The following ANKRD11 variants were observed in gnomAD, a reference collection of about 807,000 sequenced individuals.
ANKRD11 encodes the protein ankyrin repeat domain-containing protein 11.
In ANKRD11, 17 loss-of-function variants were observed where a neutral mutation model predicts 195.7. The observed-to-expected ratio is 0.09, with a 90% confidence interval of 0.06 to 0.13. The LOEUF (loss-of-function observed/expected upper bound fraction) is 0.13. Ranked by LOEUF, ANKRD11 falls within the 10% of genes least tolerant of loss-of-function variation. ANKRD11 has a pLI of 1.00. For missense variants in ANKRD11, 3,735 were observed against 3,566.1 expected (o/e 1.05, Z -1.21); for synonymous variants, 1,953 against 1,528.1 (o/e 1.28, Z -6.49).
At chr16:89,406,996 A>G (rs1260216928) in intron 2 of ANKRD11, among the ~76,000 whole-genome samples, 1 of 151,998 alleles carries the variant, frequency 6.6e-6, no homozygotes, top group African/African-American at 2.4e-5. Context: ...ACCAGCCTGG[A>G]CAATATGGTG....
At chr16:89,408,910 A>C (rs2042011840) in intron 2 of ANKRD11, among the ~76,000 whole-genome samples, 1 of 152,264 alleles carries the variant, frequency 6.6e-6, no homozygotes, top group South Asian at 2.1e-4. Flanking sequence ...CACAGACCTT[A>C]GGAGTTACTG....
At chr16:89,460,355 C>CA in intron 1 of ANKRD11, among the ~76,000 whole-genome samples, 1 of 151,736 alleles carries the variant, frequency 6.6e-6, no homozygotes, top group East Asian at 1.9e-4. Flanking sequence ...GTCAGGAGTT[C>CA]AAGACCAGCC....
At chr16:89,324,345 C>A in intron 2 of ANKRD11, 2 of 1,129,168 alleles carry the variant, frequency 1.8e-6, no homozygotes, top group Non-Finnish European at 2.4e-6. Context: ...GGGTGCCTCA[C>A]AGAAGAGGGA....
intron 2 of ANKRD11, among the ~76,000 whole-genome samples, chr16:89,403,442 A>T (rs1338177915): frequency 2.0e-5 from 3 of 152,098 alleles, no homozygotes; most frequent in Non-Finnish European, 2.9e-5. Flanking sequence ...AGTCCCGAGG[A>T]AGTTTCTCAG....
chr16:89,474,478 T>A lies in ANKRD11; in HGVS notation c.-145+15767A>T, dbSNP rs565960400. Among the ~76,000 whole-genome samples the A allele has an allele frequency of 8.5e-4, 127 of 150,040 alleles. No homozygotes were observed. In the Middle Eastern group the frequency reaches 0.014, roughly 16 times the overall value. On this transcript the variant is annotated intron_variant, in intron 1 of 12. Coordinates refer to ENST00000301030, the MANE Select transcript of ANKRD11 (RefSeq NM_013275.6). ...CCTTATGTAAAAAAAAAAAAAAAAATTTAAGACCAGAAATATACCCCCACA... is the reference window on the plus strand; with the variant it reads ...CCTTATGTAAAAAAAAAAAAAAAAAATTAAGACCAGAAATATACCCCCACA...
At chr16:89,380,410 C>T (rs1322729466) in intron 2 of ANKRD11, among the ~76,000 whole-genome samples, 1 of 152,260 alleles carries the variant, frequency 6.6e-6, no homozygotes, top group East Asian at 1.9e-4. Flanking sequence ...CTGTGCCCAG[C>T]CCAATGATGC....
rs774200801 is a variant in ANKRD11 at position 89,284,065 on chromosome 16, T to A, written c.2477A>T (p.Asn826Ile). 1 of 1,614,160 alleles carries A rather than the reference T, an allele frequency of 6.2e-7. No homozygotes were observed. The highest frequency in any genetic ancestry group is 1.1e-5 in the South Asian group (1 of 91,080). ...AGAAAGGCTAAATTTGGTGTCTTCA[T>A]TCTCCAGAAACTGATTTTTGTTACA... ...EYCNKNQFLE[N>I]EDTKFSLSDD... Residue 826 changes from asparagine (N) to isoleucine (I), a missense_variant, in exon 9 of 13, where the codon AAT becomes ATT. By Grantham distance (149) the Asn-to-Ile change is moderately radical (BLOSUM62 -3). Coordinates refer to ENST00000301030, the MANE Select transcript of ANKRD11 (RefSeq NM_013275.6).
chr16:89,455,220 G>T (rs1362450670), intron 1 of ANKRD11, among the ~76,000 whole-genome samples: 6 of 142,780 alleles, frequency 4.2e-5, no homozygotes, highest in Non-Finnish European at 7.6e-5. Context: ...TGCTTCTAGG[G>T]TTCCTCAAGC....
At chr16:89,423,049 C>G (rs1399634498) in intron 1 of ANKRD11, among the ~76,000 whole-genome samples, 1 of 152,194 alleles carries the variant, frequency 6.6e-6, no homozygotes, top group Non-Finnish European at 1.5e-5. Flanking sequence ...CTGTGGCTGC[C>G]CCACACCGCT....
chr16:89,436,665 C>T (rs912236670), intron 1 of ANKRD11, among the ~76,000 whole-genome samples: 3 of 152,218 alleles, frequency 2.0e-5, no homozygotes, highest in Non-Finnish European at 4.4e-5. Context: ...CTCTAAGCTG[C>T]TCCTTCAGAT....
chr16:89,338,840 T>G (rs1273775223), intron 2 of ANKRD11, among the ~76,000 whole-genome samples: 1 of 151,884 alleles, frequency 6.6e-6, no homozygotes, highest in East Asian at 1.9e-4. Flanking sequence ...AACAATCATT[T>G]CCCTTTCTTA....
At chr16:89,465,613 T>G (rs1164713943) in intron 1 of ANKRD11, among the ~76,000 whole-genome samples, 1 of 152,240 alleles carries the variant, frequency 6.6e-6, no homozygotes, top group Non-Finnish European at 1.5e-5. Context: ...CGCTTCTGTG[T>G]GTCCACCAGC....
rs200668928 is a variant in ANKRD11 at position 89,327,005 on chromosome 16, G to GGT, written c.-59-9928_-59-9927insAC. On this transcript the variant is annotated intron_variant, in intron 2 of 12. Coordinates refer to ENST00000301030, the MANE Select transcript of ANKRD11 (RefSeq NM_013275.6). Reference sequence around the variant, plus strand: ...GCAATGCAGAGGTGGGGAATGCAGAGGGGGAATGCAGAGGTGGGGAATGCA... The same window carrying GGT: ...GCAATGCAGAGGTGGGGAATGCAGAGGTGGGGAATGCAGAGGTGGGGAATGCA... Among the ~76,000 whole-genome samples, 548 of 137,622 alleles carry GGT rather than the reference G, an allele frequency of 4.0e-3. 3 individuals are homozygous for GGT. The highest frequency in any genetic ancestry group is 0.016 in the Middle Eastern group (4 of 256). 90.3% of individuals were successfully genotyped at this position (137,622 alleles called of 152,430 possible).
chr16:89,349,411 C>T (rs1294655656), intron 2 of ANKRD11, among the ~76,000 whole-genome samples: 3 of 151,922 alleles, frequency 2.0e-5, no homozygotes, highest in Admixed American at 6.6e-5. Flanking sequence ...ACCCGGGAGG[C>T]GGAGCTTACA....
At chr16:89,419,148 A>AT (rs945365659) in intron 1 of ANKRD11, among the ~76,000 whole-genome samples, 1 of 152,092 alleles carries the variant, frequency 6.6e-6, no homozygotes, top group East Asian at 1.9e-4. Context: ...CTGCAGTACC[A>AT]TTTTTTTAAA....
intron 4 of ANKRD11, among the ~76,000 whole-genome samples, chr16:89,302,203 C>T (rs926015168): frequency 6.6e-6 from 1 of 152,212 alleles, no homozygotes; most frequent in African/African-American, 2.4e-5. Context: ...GCCACAGCGC[C>T]CAGCAGCCTC....
At chr16:89,288,500 G>C (rs1232921920) in intron 7 of ANKRD11, 28 bp downstream of exon 7, 23 of 1,613,926 alleles carry the variant, frequency 1.4e-5, no homozygotes, top group Non-Finnish European at 1.9e-5. Flanking sequence ...GGACAGGCCG[G>C]ATGTGTGAAG....
At chr16:89,419,497 T>C (rs1182767433) in intron 1 of ANKRD11, among the ~76,000 whole-genome samples, 1 of 149,964 alleles carries the variant, frequency 6.7e-6, no homozygotes, top group African/African-American at 2.4e-5. Flanking sequence ...ATAATTTCCC[T>C]GAAGAGCTCT....
At position 89,291,988 on chromosome 16, in the gene ANKRD11, G is replaced by A. The variant is rs1171405669; in HGVS notation, c.227-805C>T. Among the ~76,000 whole-genome samples the A allele has an allele frequency of 1.3e-5, 2 of 152,204 alleles. No homozygotes were observed. Among genetic ancestry groups the A allele is most frequent in the African/African-American group, 2.4e-5 (1 of 41,442 alleles). ...AGACCCCAAGCACCAAGAGTCGGGG[G>A]CACAGAAGATGCCTCCTCCTCTGCC... On this transcript the variant is annotated intron_variant, in intron 4 of 12. Coordinates refer to ENST00000301030, the MANE Select transcript of ANKRD11 (RefSeq NM_013275.6). This position sits in a 1 kb window ranked among gnomAD's most constrained non-coding sequence, Gnocchi z 5.3.
Sources: gnomAD v4.1 joint callset for allele counts (sites outside exome capture counted in the v4.1 genomes callset) on GRCh38, gnomAD v4.1.1 for gene constraint, Gnocchi (gnomAD v3.1) non-coding constraint, MANE v1.5 for transcripts, NCBI Gene and HGNC (gene_info 2026-07-23, HGNC 2026-07-21) for gene names.